The following CPNE3 variants were observed in gnomAD, a reference collection of about 807,000 sequenced individuals.
CPNE3 encodes the protein copine 3.
A neutral mutation model predicts 63.9 loss-of-function variants in CPNE3; 68 were observed. The observed-to-expected ratio is 1.06, with a 90% CI of 0.87 to 1.30. The LOEUF (loss-of-function observed/expected upper bound fraction) is 1.30. Ranked by LOEUF, CPNE3 falls within the 50% of genes most tolerant of loss-of-function variation. CPNE3 has a pLI of 0.00. For synonymous variants in CPNE3, 219 were observed against 197.5 expected, an observed-to-expected ratio of 1.11 and a Z score of -0.91; for missense variants, 665 against 578.1, an observed-to-expected ratio of 1.15 and a Z score of -1.54.
At chr8:86,527,759 G>A (rs1368313708) in intron 2 of CPNE3, among the ~76,000 whole-genome samples, 1 of 151,748 alleles carries the variant, frequency 6.6e-6, no homozygotes, top group Non-Finnish European at 1.5e-5. Context: ...GGCTTTGGGG[G>A]CTTTTGGTTT....
intron 8 of CPNE3, among the ~76,000 whole-genome samples, chr8:86,541,220 C>A (rs1461234372): frequency 6.6e-6 from 1 of 152,122 alleles, no homozygotes; most frequent in East Asian, 1.9e-4. Context: ...GCTAAGGGAT[C>A]TTGGGCAGGT....
intron 7 of CPNE3, among the ~76,000 whole-genome samples, chr8:86,539,109 CATT>C (rs1310640950): frequency 2.0e-5 from 3 of 152,114 alleles, no homozygotes; most frequent in Non-Finnish European, 4.4e-5. Flanking sequence ...TTTTTAGTAT[CATT>C]ATAAATTCAT....
At chr8:86,532,236 T>C (rs1470675216) in intron 5 of CPNE3, among the ~76,000 whole-genome samples, 1 of 152,186 alleles carries the variant, frequency 6.6e-6, no homozygotes, top group African/African-American at 2.4e-5. Flanking sequence ...GTTTTGACAT[T>C]TCTCTTGAAT....
intron 8 of CPNE3, among the ~76,000 whole-genome samples, chr8:86,541,653 A>G (rs886782124): frequency 1.3e-5 from 2 of 151,352 alleles, no homozygotes; most frequent in African/African-American, 4.9e-5. Context: ...TCAGTAAGCC[A>G]ATATTGCTTC....
At position 86,546,197 on chromosome 8, in the gene CPNE3, G is replaced by A. The variant is rs770037136; in HGVS notation, c.733-398G>A. ...TTTCTTTTCTTTGCAGCATATTTTC[G>A]TTCTTTATGTTGGTAACAGCTAGGA... On this transcript the variant is annotated intron_variant, in intron 9 of 16. Transcript: ENST00000517490. 4.6e-5 allele frequency among the ~76,000 whole-genome samples: 7 copies of A among 150,840 alleles called. No individual in the cohort carries two copies. In the East Asian group the frequency reaches 5.9e-4, roughly 13 times the overall value.
chr8:86,528,613 T>C lies in CPNE3; in HGVS notation c.68T>C (p.Ile23Thr), dbSNP rs754475318. Residue 23 changes from isoleucine (I) to threonine (T), a missense_variant, in exon 3 of 17, where the codon ATA becomes ACA. Ile to Thr is a moderately conservative substitution (Grantham distance 89). Transcript: ENST00000517490. ...VSCANLLDKD[I>T]GSKSDPLCVL... Reference sequence around the variant, plus strand: ...TGTGCCAATCTTTTGGATAAAGATATAGGGTCAAAGTCAGACCCTTTATGT... The same window carrying C: ...TGTGCCAATCTTTTGGATAAAGATACAGGGTCAAAGTCAGACCCTTTATGT... The C allele has an allele frequency of 2.7e-5, 44 of 1,614,014 alleles. No homozygotes were observed. Among genetic ancestry groups the C allele is most frequent in the Admixed American group, 3.3e-5 (2 of 59,994 alleles).
In CPNE3 at chr8:86,529,201, C is replaced by G. The variant is rs1820614811; in HGVS notation, c.312+77C>G. 2.2e-5 allele frequency: 29 copies of G among 1,289,090 alleles called. 1 individual carries two copies. In the South Asian group the frequency reaches 3.9e-4, roughly 17 times the overall value. The allele number at this position is 1,289,090 out of a possible 1,614,324, so 79.9% of individuals were successfully genotyped here. A position where few individuals can be genotyped will look rare whatever the true frequency, so the allele number is the denominator to read the frequency against. On this transcript the variant is annotated intron_variant, in intron 4 of 16. Transcript: ENST00000517490. ...ATTTGGTGGTGTTTTTGGTAAGCAGCATTTAATTTTTAAAGTTGAAAAACA... is the reference window on the plus strand; with the variant it reads ...ATTTGGTGGTGTTTTTGGTAAGCAGGATTTAATTTTTAAAGTTGAAAAACA...
intron 1 of CPNE3, chr8:86,514,812 C>T (rs1251812652): frequency 8.5e-5 from 13 of 152,208 alleles, no homozygotes; most frequent in Admixed American, 6.5e-5. Context: ...CGGGGCTCAG[C>T]TCCGGGCCGC....
At chr8:86,530,898 G>A (rs1820666343) in intron 4 of CPNE3, among the ~76,000 whole-genome samples, 1 of 151,616 alleles carries the variant, frequency 6.6e-6, no homozygotes, top group South Asian at 2.1e-4. Context: ...CACCATGTTG[G>A]CCAGGCTGGT....
At chr8:86,549,173 C>A (rs1472618740) in intron 12 of CPNE3, among the ~76,000 whole-genome samples, 1 of 152,076 alleles carries the variant, frequency 6.6e-6, no homozygotes, top group Non-Finnish European at 1.5e-5. Flanking sequence ...ATTGATGGGG[C>A]TTTTCATTAA....
At chr8:86,538,012 T>G (rs948164254) in intron 7 of CPNE3, among the ~76,000 whole-genome samples, 4 of 151,414 alleles carry the variant, frequency 2.6e-5, no homozygotes, top group East Asian at 3.9e-4. Flanking sequence ...CACACACTTA[T>G]GCACACATGT....
At chr8:86,526,277 C>T (rs1284332810) in intron 2 of CPNE3, among the ~76,000 whole-genome samples, 1 of 151,918 alleles carries the variant, frequency 6.6e-6, no homozygotes, top group African/African-American at 2.4e-5. Flanking sequence ...GATCTTGTTC[C>T]TGTAATGCAG....
intron 8 of CPNE3, among the ~76,000 whole-genome samples, chr8:86,542,665 TA>T (rs1820966311): frequency 6.6e-6 from 1 of 151,936 alleles, no homozygotes; most frequent in African/African-American, 2.4e-5. Context: ...TACCATTGTT[TA>T]AAAAGCCAAT....
At chr8:86,523,235 G>A (rs1216889196) in intron 2 of CPNE3, among the ~76,000 whole-genome samples, 4 of 152,076 alleles carry the variant, frequency 2.6e-5, no homozygotes, top group Admixed American at 2.6e-4. Context: ...CTAGTGTCAG[G>A]GTTTTTTAAT....
At position 86,558,576 on chromosome 8, in the gene CPNE3, G is replaced by A; in HGVS notation, c.*166G>A. 1 of 589,374 alleles carries A rather than the reference G, an allele frequency of 1.7e-6. No homozygotes were observed. Among genetic ancestry groups the A allele is most frequent in the Non-Finnish European group, 3.0e-6 (1 of 331,890 alleles). 36.5% of individuals were successfully genotyped at this position (589,374 alleles called of 1,614,324 possible). On this transcript the variant is annotated 3_prime_UTR_variant, in exon 17 of 17. Transcript: ENST00000517490. ...CATTCTTTCTAGGTTATTTTGGGGGGACAGTGCCAAGTCCATCTTTGCCCA... is the reference window on the plus strand; with the variant it reads ...CATTCTTTCTAGGTTATTTTGGGGGAACAGTGCCAAGTCCATCTTTGCCCA...
chr8:86,549,912 C>T (rs928697099), intron 12 of CPNE3, among the ~76,000 whole-genome samples: 15 of 152,178 alleles, frequency 9.9e-5, no homozygotes, highest in African/African-American at 3.6e-4. Flanking sequence ...CTGATCACAT[C>T]CAGGCCAGAG....
chr8:86,537,679 G>A (rs188525147), intron 7 of CPNE3, 33 bp downstream of exon 7: 70 of 1,211,462 alleles, frequency 5.8e-5, no homozygotes, highest in Middle Eastern at 1.9e-4. Flanking sequence ...CAGAGTGGAG[G>A]TGTTCTTTGA....
At chr8:86,526,156 A>G (rs1820536250) in intron 2 of CPNE3, among the ~76,000 whole-genome samples, 1 of 151,928 alleles carries the variant, frequency 6.6e-6, no homozygotes, top group African/African-American at 2.4e-5. Flanking sequence ...TGAACCTGGG[A>G]GGCGGAGGCT....
chr8:86,548,106 A>G (rs1437721057), intron 11 of CPNE3, among the ~76,000 whole-genome samples, 195 bp from the exon 12 acceptor site: 1 of 152,248 alleles, frequency 6.6e-6, no homozygotes, highest in Non-Finnish European at 1.5e-5. Context: ...TAAGCCATCT[A>G]GAAAAGTAGA....
Sources: gnomAD v4.1 joint callset for allele counts (sites outside exome capture counted in the v4.1 genomes callset) on GRCh38, gnomAD v4.1.1 for gene constraint, MANE v1.5 for transcripts, NCBI Gene and HGNC (gene_info 2026-07-23, HGNC 2026-07-21) for gene names.